The following ERBB4 variants were observed in gnomAD, a reference collection of about 807,000 sequenced individuals.
ERBB4 encodes the protein receptor tyrosine-protein kinase erbB-4.
A neutral mutation model predicts 158.0 loss-of-function variants in ERBB4; 42 were observed. That is an observed-to-expected ratio of 0.27 (90% CI 0.21 to 0.34). The LOEUF (loss-of-function observed/expected upper bound fraction) is 0.34, where lower values mean the gene tolerates loss of function less well. Among genes scored for constraint, ERBB4 ranks in the 10% least tolerant of loss-of-function variants. ERBB4 has a pLI of 1.00. For synonymous variants in ERBB4, 583 were observed against 558.7 expected (o/e 1.04, Z -0.61); for missense variants, 1,333 against 1,624.1 (o/e 0.82, Z 3.08).
At chr2:211,408,718 C>T (rs1229976674) in intron 25 of ERBB4, among the ~76,000 whole-genome samples, 1 of 152,148 alleles carries the variant, frequency 6.6e-6, no homozygotes, top group Non-Finnish European at 1.5e-5. Context: ...GCCGGAAGAC[C>T]TGACACTCGT....
In ERBB4 at chr2:212,142,200, T is replaced by A. The variant is rs535047175; in HGVS notation, c.83-17297A>T. ...AGTAGCATCATTTCAAAACATTATATTTTTTATCACTTATCACCAGCTGCC... is the reference window on the plus strand; with the variant it reads ...AGTAGCATCATTTCAAAACATTATAATTTTTATCACTTATCACCAGCTGCC... On this transcript the variant is annotated intron_variant, in intron 1 of 27. Transcript: ENST00000342788. Among the ~76,000 whole-genome samples the A allele has an allele frequency of 1.4e-4, 22 of 152,144 alleles. No homozygotes were observed. In the East Asian group the frequency reaches 3.9e-3, roughly 27 times the overall value.
intron 4 of ERBB4, among the ~76,000 whole-genome samples, chr2:211,758,348 C>T (rs924179405): frequency 6.6e-6 from 1 of 152,086 alleles, no homozygotes; most frequent in African/African-American, 2.4e-5. Flanking sequence ...GGTCTTAATG[C>T]TTTTTGGAAA....
chr2:211,586,359 C>T (rs2068277770), intron 19 of ERBB4, among the ~76,000 whole-genome samples: 1 of 151,922 alleles, frequency 6.6e-6, no homozygotes, highest in Non-Finnish European at 1.5e-5. Flanking sequence ...TTAAGAAAAA[C>T]CATAGATATA....
chr2:212,066,417 G>C (rs2077948859), intron 2 of ERBB4, among the ~76,000 whole-genome samples: 1 of 151,922 alleles, frequency 6.6e-6, no homozygotes, highest in Non-Finnish European at 1.5e-5. Flanking sequence ...AGGACCCCGG[G>C]AAGTACAAAA....
intron 20 of ERBB4, among the ~76,000 whole-genome samples, chr2:211,521,825 A>G (rs1233070354): frequency 1.3e-5 from 2 of 152,116 alleles, no homozygotes; most frequent in Non-Finnish European, 2.9e-5. Context: ...TGCTCTATAA[A>G]CGAAACAACA....
At chr2:212,384,890 AATATATATAT>A (rs67216333) in intron 1 of ERBB4, among the ~76,000 whole-genome samples, 9 of 123,188 alleles carry the variant, frequency 7.3e-5, no homozygotes, top group Non-Finnish European at 1.3e-4. Flanking sequence ...ATGTTTGTGG[AATATATATAT>A]ATATATATAT....
At chr2:212,089,692 C>T (rs772153017) in intron 2 of ERBB4, among the ~76,000 whole-genome samples, 12 of 152,160 alleles carry the variant, frequency 7.9e-5, no homozygotes, top group African/African-American at 2.2e-4. Context: ...CAGAAGCAGG[C>T]GCTGGTGACA....
chr2:212,040,974 T>C lies in ERBB4; in HGVS notation c.234+83778A>G, dbSNP rs557626016. Among the ~76,000 whole-genome samples the C allele has an allele frequency of 5.3e-5, 8 of 152,192 alleles. No homozygotes were observed. The South Asian group carries it at 1.7e-3, about 32-fold the overall frequency. ...TACGGAAACTTTTCAGGAGAGGTCTTCTAACAAGCTCCTAAATCTACAACC... is the reference window on the plus strand; with the variant it reads ...TACGGAAACTTTTCAGGAGAGGTCTCCTAACAAGCTCCTAAATCTACAACC... On this transcript the variant is annotated intron_variant, in intron 2 of 27. Transcript: ENST00000342788.
chr2:212,008,453 T>C (rs1383953506), intron 2 of ERBB4, among the ~76,000 whole-genome samples: 1 of 152,114 alleles, frequency 6.6e-6, no homozygotes, highest in East Asian at 1.9e-4. Context: ...AATATGTTTC[T>C]CACCCTTGAT....
At chr2:212,115,186 A>G (rs2079534826) in intron 2 of ERBB4, among the ~76,000 whole-genome samples, 1 of 152,070 alleles carries the variant, frequency 6.6e-6, no homozygotes. Flanking sequence ...AGAGATCAGG[A>G]GAAATAATTA....
At chr2:212,003,063 AAGAGAGAG>A (rs148188443) in intron 2 of ERBB4, among the ~76,000 whole-genome samples, 1 of 113,922 alleles carries the variant, frequency 8.8e-6, no homozygotes, top group Admixed American at 1.1e-4. Flanking sequence ...CAAAAGAGAA[AAGAGAGAG>A]AGAGAGAGAG....
chr2:211,541,323 T>A (rs905758560), intron 20 of ERBB4, among the ~76,000 whole-genome samples: 3 of 151,962 alleles, frequency 2.0e-5, no homozygotes, highest in African/African-American at 7.2e-5. Flanking sequence ...ACTTTTTGTG[T>A]CTCCCTAGAC....
chr2:212,488,177 A>C (rs1490408656), intron 1 of ERBB4, among the ~76,000 whole-genome samples: 1 of 151,726 alleles, frequency 6.6e-6, no homozygotes, highest in Admixed American at 6.6e-5. Context: ...GTGCTATTTG[A>C]CCCTTTGAAT....
chr2:212,328,816 C>A (rs1278705503), intron 1 of ERBB4, among the ~76,000 whole-genome samples: 2 of 151,960 alleles, frequency 1.3e-5, no homozygotes. Context: ...ATTTAGTTTA[C>A]ATAAAAATTT....
At chr2:212,502,701 T>A (rs1690961000) in intron 1 of ERBB4, among the ~76,000 whole-genome samples, 1 of 152,134 alleles carries the variant, frequency 6.6e-6, no homozygotes, top group Non-Finnish European at 1.5e-5. Flanking sequence ...TGGGAAAAAA[T>A]AACATGTCAT....
chr2:211,671,494 G>T, intron 14 of ERBB4, among the ~76,000 whole-genome samples: 1 of 152,148 alleles, frequency 6.6e-6, no homozygotes, highest in East Asian at 1.9e-4. Context: ...AAATATCAGT[G>T]CAGTGGCACC....
chr2:212,168,552 G>C (rs2081418940), intron 1 of ERBB4, among the ~76,000 whole-genome samples: 1 of 152,110 alleles, frequency 6.6e-6, no homozygotes, highest in Admixed American at 6.6e-5. Context: ...TTAAAATCCA[G>C]TAGGTAAAAT....
chr2:211,379,592 T>C lies in ERBB4; in HGVS notation c.*4023A>G. 4.3e-6 allele frequency: 1 copy of C among 231,294 alleles called. No homozygotes were observed. Among genetic ancestry groups the C allele is most frequent in the Non-Finnish European group, 8.6e-6 (1 of 116,882 alleles). 14.3% of individuals were successfully genotyped at this position (231,294 alleles called of 1,614,324 possible). ...TAACTTTGTTACATTATACTTGTGGTTAGTTTTCTAGTTTGATTTATTTAA... is the reference window on the plus strand; with the variant it reads ...TAACTTTGTTACATTATACTTGTGGCTAGTTTTCTAGTTTGATTTATTTAA... On this transcript the variant is annotated 3_prime_UTR_variant, in exon 28 of 28. Transcript: ENST00000342788.
At chr2:211,786,806 G>C (rs1028720892) in intron 4 of ERBB4, among the ~76,000 whole-genome samples, 2 of 152,134 alleles carry the variant, frequency 1.3e-5, no homozygotes, top group Non-Finnish European at 2.9e-5. Context: ...ATGTGCAATA[G>C]CATGGGCAGA....
Sources: allele counts gnomAD v4.1 joint callset (sites outside exome capture counted in the v4.1 genomes callset), GRCh38; gene constraint gnomAD v4.1.1; transcripts MANE v1.5; gene names NCBI Gene and HGNC (gene_info 2026-07-23, HGNC 2026-07-21).